CRB1: variants seen among roughly 807,000 people sequenced by gnomAD.
The protein encoded by CRB1 is protein crumbs homolog 1.
CRB1 carries 83 observed loss-of-function variants against 120.0 expected under a neutral mutation model. The observed-to-expected ratio is 0.69, with a 90% CI of 0.58 to 0.83. CRB1 has a LOEUF of 0.83. CRB1 is among the 40% of genes least tolerant of loss of function. The pLI, the probability that CRB1 is intolerant of heterozygous loss-of-function variation, is 0.00. For synonymous variants in CRB1, 625 were observed against 612.5 expected (o/e 1.02, Z -0.30); for missense variants, 1,699 against 1,687.6 (o/e 1.01, Z -0.12).
At chr1:197,460,120 C>T (rs1363692459) in intron 11 of CRB1, among the ~76,000 whole-genome samples, 1 of 147,206 alleles carries the variant, frequency 6.8e-6, no homozygotes, top group East Asian at 2.0e-4. Context: ...GGGCCAAAGA[C>T]ATGTTTTGTT....
At chr1:197,458,439 G>A (rs566856589) in intron 11 of CRB1, among the ~76,000 whole-genome samples, 1 of 152,132 alleles carries the variant, frequency 6.6e-6, no homozygotes, top group East Asian at 1.9e-4. Context: ...ATTCAGTTGA[G>A]CCTGAAGGGT....
intron 11 of CRB1, among the ~76,000 whole-genome samples, chr1:197,473,137 T>C (rs1667053166): frequency 6.6e-6 from 1 of 152,216 alleles, no homozygotes; most frequent in Non-Finnish European, 1.5e-5. Context: ...TCTTTCATTC[T>C]TATGACATTT....
At chr1:197,334,687 C>CTA (rs1486021447) in intron 2 of CRB1, among the ~76,000 whole-genome samples, 1 of 152,096 alleles carries the variant, frequency 6.6e-6, no homozygotes, top group Admixed American at 6.5e-5. Context: ...TTACCCAGTC[C>CTA]TATATATTCT....
chr1:197,294,758 G>T (rs906093854), intron 1 of CRB1, among the ~76,000 whole-genome samples: 1 of 152,128 alleles, frequency 6.6e-6, no homozygotes, highest in Non-Finnish European at 1.5e-5. Context: ...CCTTTGTAGG[G>T]ACATGGATGA....
chr1:197,271,798 G>T (rs1181546891), intron 1 of CRB1, among the ~76,000 whole-genome samples: 4 of 149,906 alleles, frequency 2.7e-5, no homozygotes, highest in Non-Finnish European at 6.0e-5. Context: ...AATTAGAAAA[G>T]TAATGTCTAT....
intron 1 of CRB1, among the ~76,000 whole-genome samples, chr1:197,300,561 G>A (rs1249310309): frequency 6.6e-6 from 1 of 150,496 alleles, no homozygotes; most frequent in Non-Finnish European, 1.5e-5. Flanking sequence ...GCTAGCAGAG[G>A]TTGGTTCATA....
the CRB1 span, among the ~76,000 whole-genome samples, chr1:197,214,022 A>G: frequency 3.9e-5 from 6 of 152,258 alleles, no homozygotes; most frequent in Non-Finnish European, 8.8e-5. Context: ...TAGCAAAAGG[A>G]AGAAAATGAT....
intron 1 of CRB1, among the ~76,000 whole-genome samples, chr1:197,293,720 G>A (rs1656342835): frequency 6.6e-6 from 1 of 152,020 alleles, no homozygotes; most frequent in Non-Finnish European, 1.5e-5. Flanking sequence ...CAGAGATATA[G>A]ACCAATGGAA....
At chr1:197,419,793 T>G (rs1571518401) in intron 5 of CRB1, among the ~76,000 whole-genome samples, 2 of 121,540 alleles carry the variant, frequency 1.6e-5, no homozygotes, top group Admixed American at 9.0e-5. Flanking sequence ...GCTAATATGG[T>G]GAAACCCCAT....
chr1:197,225,543 G>A, the CRB1 span, among the ~76,000 whole-genome samples: 2 of 152,286 alleles, frequency 1.3e-5, no homozygotes, highest in African/African-American at 4.8e-5. Flanking sequence ...GATATTAATG[G>A]CCACATAAAT....
At chr1:197,417,239 G>GGA (rs1664053555) in intron 5 of CRB1, among the ~76,000 whole-genome samples, 2 of 152,138 alleles carry the variant, frequency 1.3e-5, no homozygotes, top group South Asian at 4.1e-4. Context: ...ACTTAGACTA[G>GGA]ATTCTCCACC....
chr1:197,229,805 T>C, the CRB1 span, among the ~76,000 whole-genome samples: 456 of 152,288 alleles, frequency 3.0e-3, 1 homozygote, highest in African/African-American at 0.011. Context: ...AAAAGAATAA[T>C]GAGTCTTGTT....
At chr1:197,466,923 C>G (rs752343517) in intron 11 of CRB1, among the ~76,000 whole-genome samples, 1 of 152,208 alleles carries the variant, frequency 6.6e-6, no homozygotes, top group Non-Finnish European at 1.5e-5. Flanking sequence ...GTGTCCAACA[C>G]CGTGCAAGGC....
the CRB1 span, among the ~76,000 whole-genome samples, chr1:197,231,301 T>C: frequency 6.6e-6 from 1 of 152,204 alleles, no homozygotes; most frequent in African/African-American, 2.4e-5. Context: ...ACCCCCCTCA[T>C]CATCTTATTT....
At chr1:197,401,437 A>G (rs1663059242) in intron 5 of CRB1, among the ~76,000 whole-genome samples, 1 of 152,128 alleles carries the variant, frequency 6.6e-6, no homozygotes, top group African/African-American at 2.4e-5. Context: ...TTTTAAATAA[A>G]ATTTCATCTT....
intron 5 of CRB1, among the ~76,000 whole-genome samples, chr1:197,407,149 A>G (rs1283123155): frequency 6.6e-6 from 1 of 152,240 alleles, no homozygotes; most frequent in African/African-American, 2.4e-5. Flanking sequence ...GTACTAAGAA[A>G]GAATGAAGTG....
At chr1:197,369,026 A>C (rs1240727739) in intron 5 of CRB1, among the ~76,000 whole-genome samples, 8 of 152,086 alleles carry the variant, frequency 5.3e-5, no homozygotes, top group Admixed American at 6.6e-5. Context: ...AAGCTGATGA[A>C]AATGTTCATT....
In CRB1 at chr1:197,328,627, G is replaced by C. The variant is rs751678963; in HGVS notation, c.276G>C (p.Arg92Ser). The stretch of plus-strand genomic sequence containing the variant: ...CTTGTGTGAACACCCCAGGAGAAAG[G>C]AGCTTTCTGTGCAAATGTCCTCCTG... ...SATCVNTPGERSFLCKCPPGY... is the reference protein window; with the variant it reads ...SATCVNTPGESSFLCKCPPGY... Residue 92 changes from arginine (R) to serine (S), a missense_variant, in exon 2 of 12, where the codon AGG (arginine) becomes AGC (serine). Coordinates refer to ENST00000367400, the MANE Select transcript of CRB1 (RefSeq NM_201253.3). 1.2e-5 allele frequency: 19 copies of C among 1,614,190 alleles called. No individual in the cohort carries two copies. In the African/African-American group the frequency reaches 1.5e-4, roughly 12 times the overall value.
chr1:197,353,616 C>A (rs1035810143), intron 4 of CRB1, among the ~76,000 whole-genome samples: 2 of 151,894 alleles, frequency 1.3e-5, no homozygotes, highest in Non-Finnish European at 2.9e-5. Context: ...GACTGGCCAA[C>A]ATGGTGAAAC....
Sources: allele counts gnomAD v4.1 joint callset (sites outside exome capture counted in the v4.1 genomes callset), GRCh38; gene constraint gnomAD v4.1.1; transcripts MANE v1.5; gene names NCBI Gene and HGNC (gene_info 2026-07-23, HGNC 2026-07-21).